The following BANP variants were observed in gnomAD, a reference collection of about 807,000 sequenced individuals.
BANP encodes the protein BTG3 associated nuclear protein.
In BANP, 11 loss-of-function variants were observed where a neutral mutation model predicts 68.1. The observed-to-expected ratio is 0.16, with a 90% CI of 0.10 to 0.27. The LOEUF is 0.27. BANP is among the 10% of genes least tolerant of loss of function. The pLI is 1.00. For missense variants in BANP, 504 were observed against 722.7 expected, an observed-to-expected ratio of 0.70 and a Z score of 3.47; for synonymous variants, 329 against 303.2, an observed-to-expected ratio of 1.09 and a Z score of -0.88.
intron 6 of BANP, among the ~76,000 whole-genome samples, chr16:88,007,523 G>A (rs919698025): frequency 1.3e-5 from 2 of 152,248 alleles, no homozygotes; most frequent in Admixed American, 1.3e-4. Flanking sequence ...GTCACCGTAA[G>A]TGACCAGATG....
chr16:88,018,343 CTG>C lies in BANP; in HGVS notation c.656-82_656-81del, dbSNP rs2075088358. On this transcript the variant is annotated intron_variant, in intron 6 of 13. Coordinates refer to ENST00000682872, the MANE Select transcript of BANP (RefSeq NM_001386991.1). The surrounding 1 kb of genome is among the most constrained non-coding windows in gnomAD (Gnocchi z 7.7). The stretch of plus-strand genomic sequence containing the variant: ...GCCCTGCGTGGAGCATCTTTCCCGA[CTG>C]TGCCTGAGCAGAGCGCTCTGCTGTC... The C allele has an allele frequency of 6.7e-7, 1 of 1,502,176 alleles. No individual in the cohort carries two copies. Among genetic ancestry groups the C allele is most frequent in the Non-Finnish European group, 9.0e-7 (1 of 1,111,506 alleles). 93.1% of individuals were successfully genotyped at this position (1,502,176 alleles called of 1,614,324 possible).
At chr16:87,954,416 T>C (rs903413439) in intron 1 of BANP, among the ~76,000 whole-genome samples, 9 of 152,234 alleles carry the variant, frequency 5.9e-5, no homozygotes, top group African/African-American at 2.2e-4. Context: ...TCTTCCTCTT[T>C]ATGGCAAGTC....
chr16:88,038,872 G>A (rs2080075132), intron 11 of BANP, among the ~76,000 whole-genome samples: 1 of 152,198 alleles, frequency 6.6e-6, no homozygotes, highest in Non-Finnish European at 1.5e-5. Flanking sequence ...CTGGGAAGTT[G>A]ACAGTGAGAA....
In BANP at chr16:88,077,042, C is replaced by G. The variant is rs553821168; in HGVS notation, c.*381C>G. 1 of 240,494 alleles carries G rather than the reference C, an allele frequency of 4.2e-6. No individual in the cohort carries two copies. The highest frequency in any genetic ancestry group is 1.2e-4 in the East Asian group (1 of 8,648). 14.9% of individuals were successfully genotyped at this position (240,494 alleles called of 1,614,324 possible). On this transcript the variant is annotated 3_prime_UTR_variant, in exon 14 of 14. Coordinates refer to ENST00000682872, the MANE Select transcript of BANP (RefSeq NM_001386991.1). ...AAAAATCCCAGGGGAGTAGCAGGAG[C>G]CCTTTGCTGTGTGCTCTGTCCAGTG...
At chr16:88,009,876 G>C (rs1331287532) in intron 6 of BANP, among the ~76,000 whole-genome samples, 1 of 151,814 alleles carries the variant, frequency 6.6e-6, no homozygotes, top group African/African-American at 2.4e-5. Flanking sequence ...AGTAGACTGT[G>C]TCTCATTAGA....
chr16:87,995,618 C>G (rs929298064), intron 4 of BANP, among the ~76,000 whole-genome samples: 1 of 152,206 alleles, frequency 6.6e-6, no homozygotes, highest in East Asian at 1.9e-4. Context: ...GGATGCCTAC[C>G]TGGCGGCAGA....
intron 7 of BANP, among the ~76,000 whole-genome samples, chr16:88,022,080 A>C (rs901025178): frequency 2.0e-5 from 3 of 152,192 alleles, no homozygotes; most frequent in African/African-American, 7.2e-5. Flanking sequence ...TTGGGCAGCT[A>C]ACCAAATTTG....
rs7498322 is a variant in BANP at position 88,057,055 on chromosome 16, G to A, written c.1312-8212G>A. On this transcript the variant is annotated intron_variant, in intron 11 of 13. Transcript: ENST00000682872. The surrounding 1 kb of genome is among the most constrained non-coding windows in gnomAD (Gnocchi z 4.6). The stretch of plus-strand genomic sequence containing the variant: ...AATAACTTTACAAATCCTTTTGGTG[G>A]GATCCAAATGTGAGAACTTTTTCTG... Among the ~76,000 whole-genome samples the A allele has an allele frequency of 0.01, 1,576 of 152,292 alleles. 14 individuals are homozygous for A. The highest frequency in any genetic ancestry group is 0.017 in the Non-Finnish European group (1,158 of 68,028).
intron 6 of BANP, among the ~76,000 whole-genome samples, chr16:88,015,468 C>A (rs1385285476): frequency 2.0e-5 from 3 of 152,258 alleles, no homozygotes; most frequent in Admixed American, 6.5e-5. Context: ...GCCCTATGTT[C>A]CCTGCTCTGG....
chr16:87,981,446 G>A (rs1837630659), intron 3 of BANP, among the ~76,000 whole-genome samples: 1 of 152,158 alleles, frequency 6.6e-6, no homozygotes, highest in African/African-American at 2.4e-5. Flanking sequence ...GTAAGGACTT[G>A]TCATTGGATT....
At chr16:88,013,434 C>T (rs2073733690) in intron 6 of BANP, among the ~76,000 whole-genome samples, 1 of 152,230 alleles carries the variant, frequency 6.6e-6, no homozygotes, top group Non-Finnish European at 1.5e-5. Context: ...CTCAGCCTGC[C>T]TGACAGGACG....
chr16:88,038,934 C>T (rs1209819620), intron 11 of BANP, among the ~76,000 whole-genome samples: 3 of 152,310 alleles, frequency 2.0e-5, no homozygotes, highest in Non-Finnish European at 2.9e-5. Context: ...TTCAAAACCA[C>T]AGTGCACTGT....
intron 7 of BANP, among the ~76,000 whole-genome samples, chr16:88,023,044 C>G (rs1454786173): frequency 6.6e-6 from 1 of 152,152 alleles, no homozygotes; most frequent in African/African-American, 2.4e-5. Context: ...TCCAGGTTCT[C>G]TGTGAGGTGA....
At position 88,004,359 on chromosome 16, in the gene BANP, GA is replaced by G; in HGVS notation, c.429del (p.Asp144ThrfsTer3). 6.4e-7 allele frequency: 1 copy of G among 1,550,414 alleles called. No homozygotes were observed. Among genetic ancestry groups the G allele is most frequent in the Non-Finnish European group, 8.7e-7 (1 of 1,146,584 alleles). Reference sequence around the variant, plus strand: ...GCAGAACGCCATTGTAGCCAAGATGGAAGACCCCTTGAGCAACAGGGCACCG... The same window carrying G: ...GCAGAACGCCATTGTAGCCAAGATGGAGACCCCTTGAGCAACAGGGCACCG... ...DRQNAIVAKMEDPLSNRAPDS... is the reference protein window; with the variant it reads ...DRQNAIVAKMXDPLSNRAPDS... On this transcript the variant is annotated frameshift_variant, in exon 5 of 14. Coordinates refer to ENST00000682872, the MANE Select transcript of BANP (RefSeq NM_001386991.1). LOFTEE classifies it high-confidence loss of function. This position sits in a 1 kb window ranked among gnomAD's most constrained non-coding sequence, Gnocchi z 7.0.
chr16:87,957,416 T>C lies in BANP; in HGVS notation c.-69+5901T>C, dbSNP rs1484219192. ...CAGTCACCTCCCCTCTGCTCGTCTG[T>C]GTCCACATTCTGTCGTGGTTGAGAC... On this transcript the variant is annotated intron_variant, in intron 1 of 13. Transcript: ENST00000682872. The surrounding 1 kb of genome is among the most constrained non-coding windows in gnomAD (Gnocchi z 4.3). Among the ~76,000 whole-genome samples the C allele has an allele frequency of 6.6e-6, 1 of 152,236 alleles. No homozygotes were observed. Among genetic ancestry groups the C allele is most frequent in the Non-Finnish European group, 1.5e-5 (1 of 68,036 alleles).
chr16:88,069,988 C>T (rs2089901396), intron 12 of BANP, among the ~76,000 whole-genome samples: 2 of 152,240 alleles, frequency 1.3e-5, no homozygotes, highest in Admixed American at 6.5e-5. Context: ...AGCATGCGGA[C>T]GGTGAGGACG....
intron 4 of BANP, among the ~76,000 whole-genome samples, chr16:87,997,875 T>C (rs2067720168): frequency 6.6e-6 from 1 of 152,238 alleles, no homozygotes; most frequent in African/African-American, 2.4e-5. Flanking sequence ...GGTCTCATGG[T>C]GGCTGCTGGC....
rs1412320600 is a variant in BANP at position 88,071,616 on chromosome 16, T to G, written c.1378-453T>G. On this transcript the variant is annotated intron_variant, in intron 12 of 13. Coordinates refer to ENST00000682872, the MANE Select transcript of BANP (RefSeq NM_001386991.1). This position sits in a 1 kb window ranked among gnomAD's most constrained non-coding sequence, Gnocchi z 6.5. ...CCTGAGCCCTTGAGGTCACTCTGCCTTGGGAATGGGGAGGGTTTGGGTCTC... is the reference window on the plus strand; with the variant it reads ...CCTGAGCCCTTGAGGTCACTCTGCCGTGGGAATGGGGAGGGTTTGGGTCTC... The G allele has an allele frequency of 2.2e-6, 1 of 460,092 alleles. No homozygotes were observed. The highest frequency in any genetic ancestry group is 4.4e-6 in the Non-Finnish European group (1 of 229,412). 28.5% of individuals were successfully genotyped at this position (460,092 alleles called of 1,614,324 possible). A position where few individuals can be genotyped will look rare whatever the true frequency, so the allele number is the denominator to read the frequency against.
intron 12 of BANP, among the ~76,000 whole-genome samples, chr16:88,068,271 G>C (rs2089324200): frequency 6.6e-6 from 1 of 152,250 alleles, no homozygotes; most frequent in Non-Finnish European, 1.5e-5. Flanking sequence ...GGGTTTCCTG[G>C]CGGTCACCTG....
Sources: gnomAD v4.1 joint callset for allele counts (sites outside exome capture counted in the v4.1 genomes callset) on GRCh38, gnomAD v4.1.1 for gene constraint, Gnocchi (gnomAD v3.1) non-coding constraint, MANE v1.5 for transcripts, NCBI Gene and HGNC (gene_info 2026-07-23, HGNC 2026-07-21) for gene names.